The following GLI1 variants were observed in gnomAD, a reference collection of about 807,000 sequenced individuals.
GLI1 encodes the protein transcription activator GLI1.
In GLI1, 51 loss-of-function variants were observed where a neutral mutation model predicts 87.8. The observed-to-expected ratio is 0.58, with a 90% CI of 0.46 to 0.73. The LOEUF is 0.73. Ranked by LOEUF, GLI1 falls within the 30% of genes least tolerant of loss-of-function variation. The pLI, the probability that GLI1 is intolerant of heterozygous loss-of-function variation, is 0.00. For synonymous variants in GLI1, 528 were observed against 558.2 expected (o/e 0.95, Z 0.76); for missense variants, 1,292 against 1,437.2 (o/e 0.90, Z 1.63).
At chr12:57,460,812 T>A (rs931875322) in intron 1 of GLI1, among the ~76,000 whole-genome samples, 2 of 151,852 alleles carry the variant, frequency 1.3e-5, no homozygotes, top group African/African-American at 4.8e-5. Context: ...GTGAAGGCCC[T>A]AGAATGACCC....
chr12:57,462,471 C>T (rs1258821861), intron 1 of GLI1, among the ~76,000 whole-genome samples: 1 of 152,006 alleles, frequency 6.6e-6, no homozygotes, highest in Non-Finnish European at 1.5e-5. Flanking sequence ...CCCACCCCAC[C>T]CTCATTCCCG....
chr12:57,464,489 T>G (rs531926772), intron 3 of GLI1, among the ~76,000 whole-genome samples, 184 bp from the exon 4 acceptor site: 75 of 148,130 alleles, frequency 5.1e-4, no homozygotes, highest in African/African-American at 1.8e-3. Flanking sequence ...TGCCACGCAC[T>G]CCAGCCTGGG....
intron 7 of GLI1, 79 bp from the exon 8 acceptor site, chr12:57,466,161 C>G: frequency 1.4e-6 from 2 of 1,440,782 alleles, no homozygotes; most frequent in South Asian, 2.6e-5. Flanking sequence ...GGAAGAGGAA[C>G]AGGGGGTGGA....
At chr12:57,467,901 C>T (rs1389219514) in intron 9 of GLI1, 93 bp from the exon 10 acceptor site, 2 of 838,762 alleles carry the variant, frequency 2.4e-6, no homozygotes, top group Non-Finnish European at 3.9e-6. Flanking sequence ...GTGCTCCTCC[C>T]CTGCCCCCTG....
chr12:57,464,644 A>T, intron 3 of GLI1, 29 bp from the exon 4 acceptor site: 2 of 1,571,176 alleles, frequency 1.3e-6, no homozygotes. Context: ...CCCCTTTACC[A>T]TATCCGTCTC....
chr12:57,467,286 A>C, intron 8 of GLI1, 47 bp from the exon 9 acceptor site: 3 of 1,503,220 alleles, frequency 2.0e-6, no homozygotes. Flanking sequence ...TTCCATCTCC[A>C]TGTCCTCTGT....
rs1871472762 is a variant in GLI1, at chr12:57,466,234, C to T, written c.763-6C>T. On this transcript the variant is annotated splice_polypyrimidine_tract_variant and splice_region_variant and intron_variant, in intron 7 of 11. Coordinates refer to ENST00000228682, the MANE Select transcript of GLI1 (RefSeq NM_005269.3). Reference sequence around the variant, plus strand: ...CCTTGGAGAGCCTTTGTATCTTCTCCCTCAGCACATCAACAGCGAGCACAT... The same window carrying T: ...CCTTGGAGAGCCTTTGTATCTTCTCTCTCAGCACATCAACAGCGAGCACAT... 6.2e-7 allele frequency: 1 copy of T among 1,611,206 alleles called. No individual in the cohort carries two copies. The highest frequency in any genetic ancestry group is 8.5e-7 in the Non-Finnish European group (1 of 1,178,182).
rs766573156 is a variant in GLI1 at position 57,465,620 on chromosome 12, T to C, written c.548T>C (p.Leu183Pro). 1.9e-6 allele frequency: 3 copies of C among 1,613,948 alleles called. No homozygotes were observed. The South Asian group carries it at 3.3e-5, about 18-fold the overall frequency. ...CCCCTGGGGAAGCTGAAGTCTGAGC[T>C]GGACATGCTGGTTGGCAAGTGCCGG... ...PFPTCQLKSELDMLVGKCREE... is the reference protein window; with the variant it reads ...PFPTCQLKSEPDMLVGKCREE... Residue 183 changes from leucine (L) to proline (P), a missense_variant, in exon 6 of 12, where the codon CTG becomes CCG. This residue lies in a region of GLI1 where 383 missense variants were observed against 368.4 expected (regional missense o/e 1.04). Coordinates refer to ENST00000228682, the MANE Select transcript of GLI1 (RefSeq NM_005269.3).
intron 3 of GLI1, 22 bp downstream of exon 3, chr12:57,464,113 C>T: frequency 2.8e-6 from 4 of 1,423,208 alleles, no homozygotes; most frequent in Non-Finnish European, 3.0e-6. Flanking sequence ...GGCAACACCT[C>T]TTCCCTTTCT....
intron 5 of GLI1, 66 bp from the exon 6 acceptor site, chr12:57,465,541 G>C: frequency 7.5e-7 from 1 of 1,331,074 alleles, no homozygotes; most frequent in Non-Finnish European, 1.1e-6. Context: ...AGGAAGACCT[G>C]GCTTGGTTTC....
At position 57,464,097 on chromosome 12, in the gene GLI1, G is replaced by T; in HGVS notation, c.193+6G>T. The T allele has an allele frequency of 1.9e-6, 3 of 1,574,364 alleles. No individual in the cohort carries two copies. The highest frequency in any genetic ancestry group is 1.7e-6 in the Non-Finnish European group (2 of 1,143,580). On this transcript the variant is annotated splice_donor_region_variant and intron_variant, in intron 3 of 11. Coordinates refer to ENST00000228682, the MANE Select transcript of GLI1 (RefSeq NM_005269.3). ...GACCAACAGCTGCACCGAGGGTGAG[G>T]GCTCAGGCAACACCTCTTCCCTTTC...
intron 8 of GLI1, among the ~76,000 whole-genome samples, chr12:57,466,633 G>A (rs944529264): frequency 2.0e-5 from 3 of 152,136 alleles, no homozygotes; most frequent in African/African-American, 7.2e-5. Context: ...GCCAGGCACG[G>A]TGGCTCACAC....
rs899732852 is a variant in GLI1 at position 57,471,635 on chromosome 12, C to T, written c.2895C>T (p.Pro965=). The T allele has an allele frequency of 1.2e-6, 2 of 1,613,624 alleles. No individual in the cohort carries two copies. Among genetic ancestry groups the T allele is most frequent in the Non-Finnish European group, 1.7e-6 (2 of 1,179,768 alleles). Residue 965 remains proline (P), a synonymous_variant, in exon 12 of 12, where the codon CCC becomes CCT. Transcript: ENST00000228682. This position sits in a 1 kb window ranked among gnomAD's most constrained non-coding sequence, Gnocchi z 4.9. ...CCAATCACAAGTCAGGTTCCTATCC[C>T]ACCCCTTCACCATGCCATGAAAATT... The part of the protein sequence containing the change: ...NLPNHKSGSY[P]TPSPCHENFV...
Position 57,466,373 on chromosome 12 carries a change from A to T in GLI1, c.896A>T (p.Lys299Met), listed in dbSNP as rs2139856808. 1 of 1,613,332 alleles carries T rather than the reference A, an allele frequency of 6.2e-7. No individual in the cohort carries two copies. Among genetic ancestry groups the T allele is most frequent in the Non-Finnish European group, 8.5e-7 (1 of 1,179,514 alleles). ...VVHMRRHTGE[K>M]PHKCTFEGCR... is the part of the protein sequence containing the mutation. Reference sequence around the variant, plus strand: ...CACATGCGCAGACACACTGGCGAGAAGCCACACAAGTGCACGGTGAGGCAC... The same window carrying T: ...CACATGCGCAGACACACTGGCGAGATGCCACACAAGTGCACGGTGAGGCAC... Residue 299 changes from lysine to methionine, a missense_variant, in exon 8 of 12, where the codon AAG becomes ATG. This residue lies in a region of GLI1 where 897 missense variants were observed against 1,040.7 expected (regional missense o/e 0.86). Coordinates refer to ENST00000228682, the MANE Select transcript of GLI1 (RefSeq NM_005269.3).
Position 57,470,648 on chromosome 12 carries a change from C to T in GLI1, c.1908C>T (p.Thr636=), listed in dbSNP as rs773432190. 13 of 1,613,542 alleles carry T rather than the reference C, an allele frequency of 8.1e-6. No homozygotes were observed. The Middle Eastern group carries it at 8.2e-4, about 102-fold the overall frequency. The stretch of plus-strand genomic sequence containing the variant: ...GATACAACCCCAATGCAGGGGTCAC[C>T]CGGAGGGCCAGTGACCCAGCCCAGG... ...YPGYNPNAGV[T]RRASDPAQAA... is the part of the protein sequence containing the mutation. Residue 636 remains threonine, a synonymous_variant, in exon 12 of 12, where the codon ACC becomes ACT. Coordinates refer to ENST00000228682, the MANE Select transcript of GLI1 (RefSeq NM_005269.3).
At chr12:57,466,439 T>C (rs901103317) in intron 8 of GLI1, 50 bp downstream of exon 8, 2 of 1,480,914 alleles carry the variant, frequency 1.4e-6, no homozygotes, top group Admixed American at 1.9e-5. Context: ...ATCAGGGCTC[T>C]CCTTCAAGGT....
Position 57,472,252 on chromosome 12 carries a change from A to G in GLI1, c.*191A>G, listed in dbSNP as rs1271172659. 1.7e-6 allele frequency: 1 copy of G among 598,308 alleles called. No homozygotes were observed. Among genetic ancestry groups the G allele is most frequent in the Non-Finnish European group, 2.8e-6 (1 of 351,534 alleles). The allele number at this position is 598,308 out of a possible 1,614,324, so 37.1% of individuals were successfully genotyped here. On this transcript the variant is annotated 3_prime_UTR_variant, in exon 12 of 12. Coordinates refer to ENST00000228682, the MANE Select transcript of GLI1 (RefSeq NM_005269.3). ...TGACACTGTTTCCTGATAATAAAGG[A>G]ACTGCATCAGAAAAAATACCATGCC... is the stretch of plus-strand genomic sequence containing the variant.
Position 57,468,075 on chromosome 12 carries a change from C to T in GLI1, c.1159C>T (p.His387Tyr). Reference sequence around the variant, plus strand: ...GCTGCGAAAACATGTCAAGACAGTGCATGGTCCTGACGCCCATGTGACCAA... The same window carrying T: ...GCTGCGAAAACATGTCAAGACAGTGTATGGTCCTGACGCCCATGTGACCAA... The part of the protein sequence containing the change: ...SSLRKHVKTV[H>Y]GPDAHVTKRH... The change falls in exon 10 of 12, where the codon CAT (histidine) becomes TAT (tyrosine). Residue 387 changes from histidine to tyrosine, a missense_variant. His to Tyr is a moderately conservative substitution (Grantham distance 83). This residue lies in a region of GLI1 where 897 missense variants were observed against 1,040.7 expected (regional missense o/e 0.86). Transcript: ENST00000228682. 1 of 1,614,192 alleles carries T rather than the reference C, an allele frequency of 6.2e-7. No individual in the cohort carries two copies.
chr12:57,469,593 G>A lies in GLI1; in HGVS notation c.1471G>A (p.Gly491Ser), dbSNP rs185679191. Residue 491 changes from glycine to serine, a missense_variant, in exon 11 of 12, where the codon GGT (glycine) becomes AGT (serine). Gly to Ser is a moderately conservative substitution (Grantham distance 56). Around this residue, in one of 3 missense-constraint regions of GLI1, gnomAD observed 897 missense variants for 1,040.7 expected, o/e 0.86. Transcript: ENST00000228682. The part of the protein sequence containing the change: ...LDEGPCIAGT[G>S]LSTLRRLENL... ...CGAGGGACCTTGCATTGCTGGCACT[G>A]GTCTGTCCACTCTTCGCCGCCTTGA... 1 of 1,614,186 alleles carries A rather than the reference G, an allele frequency of 6.2e-7. No homozygotes were observed. The highest frequency in any genetic ancestry group is 8.5e-7 in the Non-Finnish European group (1 of 1,180,028).
Sources: gnomAD v4.1 joint callset for allele counts (sites outside exome capture counted in the v4.1 genomes callset) on GRCh38, gnomAD v4.1.1 for gene constraint, gnomAD v4.1.1 regional missense constraint, Gnocchi (gnomAD v3.1) non-coding constraint, MANE v1.5 for transcripts, NCBI Gene and HGNC (gene_info 2026-07-23, HGNC 2026-07-21) for gene names.